The following CDV3 variants were observed in gnomAD, a reference collection of about 807,000 sequenced individuals.
The protein encoded by CDV3 is protein CDV3 homolog.
In CDV3, 14 loss-of-function variants were observed where a neutral mutation model predicts 24.5. The observed-to-expected ratio is 0.57, with a 90% CI of 0.38 to 0.89. The LOEUF (loss-of-function observed/expected upper bound fraction) is 0.89. Among genes scored for constraint, CDV3 ranks in the 40% least tolerant of loss-of-function variants. The pLI is 0.00. For missense variants in CDV3, 304 were observed against 310.2 expected (o/e 0.98, Z 0.15); for synonymous variants, 114 against 114.1 (o/e 1.00, Z 0.00).
intron 1 of CDV3, chr3:133,574,782 C>G: frequency 9.5e-7 from 1 of 1,051,670 alleles, no homozygotes; most frequent in African/African-American, 1.6e-5. Context: ...CTATTGACTT[C>G]TTCCTTCGGC....
rs1396893443 is a variant in CDV3, at chr3:133,574,700, G to T, written c.241-339G>T. ...GTAGCAGCTCTTTTGTGATGACTTA[G>T]TCTCTAAGCCCGTGAAAGAAAAAGA... On this transcript the variant is annotated intron_variant, in intron 1 of 4. Coordinates refer to ENST00000264993, the MANE Select transcript of CDV3 (RefSeq NM_017548.5). The T allele has an allele frequency of 4.7e-6, 5 of 1,067,318 alleles. No homozygotes were observed. In the East Asian group the frequency reaches 3.8e-4, roughly 82 times the overall value. 66.1% of individuals were successfully genotyped at this position (1,067,318 alleles called of 1,614,324 possible).
chr3:133,586,762 G>C (rs1395207259), intron 4 of CDV3, 40 bp downstream of exon 4: 3 of 1,331,946 alleles, frequency 2.3e-6, no homozygotes, highest in Admixed American at 1.7e-5. Context: ...TGGGACTTCT[G>C]TTCCTAGGCC....
At chr3:133,583,407 G>C (rs570052891) in intron 2 of CDV3, among the ~76,000 whole-genome samples, 1 of 152,244 alleles carries the variant, frequency 6.6e-6, no homozygotes, top group Admixed American at 6.5e-5. Flanking sequence ...TTTTGTAATT[G>C]TGCTCTTAAT....
chr3:133,582,297 A>G (rs1389043877), intron 2 of CDV3, among the ~76,000 whole-genome samples: 1 of 152,158 alleles, frequency 6.6e-6, no homozygotes, highest in African/African-American at 2.4e-5. Context: ...GCTAACCGGC[A>G]TGTGTCACCA....
chr3:133,574,502 C>T (rs2074725634), intron 1 of CDV3: 1 of 986,256 alleles, frequency 1.0e-6, no homozygotes, highest in Non-Finnish European at 1.2e-6. Context: ...CACCCCGCGT[C>T]GCTCGGCGTT....
At chr3:133,577,877 G>A (rs1386091958) in intron 2 of CDV3, among the ~76,000 whole-genome samples, 2 of 152,192 alleles carry the variant, frequency 1.3e-5, no homozygotes, top group African/African-American at 2.4e-5. Context: ...CTTATTCAAG[G>A]TCATGCTGTT....
At chr3:133,575,762 TAA>T (rs1487176483) in intron 2 of CDV3, among the ~76,000 whole-genome samples, 1 of 152,246 alleles carries the variant, frequency 6.6e-6, no homozygotes, top group Non-Finnish European at 1.5e-5. Context: ...TAGTAATTTT[TAA>T]AAATTGGGTA....
chr3:133,586,449 A>G, intron 3 of CDV3, 114 bp from the exon 4 acceptor site: 1 of 639,100 alleles, frequency 1.6e-6, no homozygotes, highest in Non-Finnish European at 2.8e-6. Context: ...GGTCTGACCC[A>G]GAGACCCTGG....
At chr3:133,574,790 G>T (rs2074740275) in intron 1 of CDV3, 1 of 1,046,036 alleles carries the variant, frequency 9.6e-7, no homozygotes, top group Non-Finnish European at 1.2e-6. Flanking sequence ...TTCTTCCTTC[G>T]GCTTTTCTTA....
chr3:133,574,330 G>A, intron 1 of CDV3, 46 bp downstream of exon 1: 1 of 924,764 alleles, frequency 1.1e-6, no homozygotes, highest in Non-Finnish European at 1.3e-6. Flanking sequence ...CCGCGCGCCG[G>A]CGCCCCATGT....
At chr3:133,586,835 A>T (rs189060779) in intron 4 of CDV3, 113 bp downstream of exon 4, 2 of 659,944 alleles carry the variant, frequency 3.0e-6, no homozygotes, top group East Asian at 5.4e-5. Context: ...TTAACTAATA[A>T]AGCCTGAGCT....
rs1356107657 is a variant in CDV3 at position 133,574,064 on chromosome 3, G to A, written c.20G>A (p.Arg7Gln). The A allele has an allele frequency of 2.5e-6, 3 of 1,223,672 alleles. No homozygotes were observed. The highest frequency in any genetic ancestry group is 3.2e-5 in the South Asian group (2 of 62,388). 75.8% of individuals were successfully genotyped at this position (1,223,672 alleles called of 1,614,324 possible). ...GAGGCCATGGCTGAGACGGAGGAGC[G>A]GAGCCTGGACAACTTCTTTGCCAAG... MAETEE[R>Q]SLDNFFAKRD... The change falls in exon 1 of 5, where the codon CGG (arginine) becomes CAG (glutamine). Residue 7 changes from arginine to glutamine, a missense_variant. Arg to Gln is a conservative substitution (Grantham distance 43). This residue lies in a region of CDV3 where 219 missense variants were observed against 203.6 expected (regional missense o/e 1.08). Transcript: ENST00000264993.
intron 2 of CDV3, among the ~76,000 whole-genome samples, chr3:133,583,597 C>T (rs895480611): frequency 6.6e-6 from 1 of 152,150 alleles, no homozygotes; most frequent in Admixed American, 6.5e-5. Flanking sequence ...CAGTCACGCT[C>T]TGTCGCCCAG....
chr3:133,588,489 T>G lies in CDV3; in HGVS notation c.*443T>G. 1.0e-6 allele frequency: 1 copy of G among 964,376 alleles called. No homozygotes were observed. The highest frequency in any genetic ancestry group is 1.6e-6 in the Non-Finnish European group (1 of 644,328). 59.7% of individuals were successfully genotyped at this position (964,376 alleles called of 1,614,324 possible). A position where few individuals can be genotyped will look rare whatever the true frequency, so the allele number is the denominator to read the frequency against. ...AACCTTGCAACCAGCTCTACTGGAT[T>G]CTTATCAGAAATCCTGCATAAAAAG... On this transcript the variant is annotated 3_prime_UTR_variant, in exon 5 of 5. Transcript: ENST00000264993.
At chr3:133,580,435 G>T (rs2074971077) in intron 2 of CDV3, among the ~76,000 whole-genome samples, 1 of 152,188 alleles carries the variant, frequency 6.6e-6, no homozygotes, top group African/African-American at 2.4e-5. Flanking sequence ...GGGCACAGTG[G>T]CTCACGCCTG....
chr3:133,586,829 C>A, intron 4 of CDV3, 107 bp downstream of exon 4: 1 of 674,632 alleles, frequency 1.5e-6, no homozygotes, highest in Non-Finnish European at 2.6e-6. Context: ...TACTCCTTAA[C>A]TAATAAAGCC....
At chr3:133,578,040 A>G (rs772485545) in intron 2 of CDV3, among the ~76,000 whole-genome samples, 8 of 152,068 alleles carry the variant, frequency 5.3e-5, no homozygotes, top group Non-Finnish European at 8.8e-5. Context: ...CCCAGGTTGG[A>G]ATGCAGTGGC....
At chr3:133,587,149 C>G in intron 4 of CDV3, 1 of 1,263,434 alleles carries the variant, frequency 7.9e-7, no homozygotes, top group Non-Finnish European at 1.1e-6. Flanking sequence ...TTAAAATAAT[C>G]TTATTTCAGC....
intron 2 of CDV3, among the ~76,000 whole-genome samples, chr3:133,575,562 A>G (rs2074773708): frequency 1.3e-5 from 2 of 152,264 alleles, no homozygotes; most frequent in Admixed American, 6.5e-5. Flanking sequence ...ACACAGTGCA[A>G]CCAACCTGTG....
Sources: gnomAD v4.1 joint callset for allele counts (sites outside exome capture counted in the v4.1 genomes callset) on GRCh38, gnomAD v4.1.1 for gene constraint, gnomAD v4.1.1 regional missense constraint, MANE v1.5 for transcripts, NCBI Gene and HGNC (gene_info 2026-07-23, HGNC 2026-07-21) for gene names.